Variants in RICTOR observed in about 807,000 individuals in gnomAD.
RICTOR encodes RPTOR independent companion of MTOR complex 2.
A neutral mutation model predicts 214.9 loss-of-function variants in RICTOR; 49 were observed. The observed-to-expected ratio is 0.23, with a 90% CI of 0.18 to 0.29. RICTOR has a LOEUF of 0.29. Ranked by LOEUF, RICTOR falls within the 10% of genes least tolerant of loss-of-function variation. RICTOR has a pLI of 1.00. For missense variants in RICTOR, 1,625 were observed against 2,047.0 expected (o/e 0.79, Z 3.98); for synonymous variants, 717 against 711.3 (o/e 1.01, Z -0.13).
intron 7 of RICTOR, among the ~76,000 whole-genome samples, chr5:38,990,738 T>C (rs868570821): frequency 8.4e-6 from 1 of 119,122 alleles, no homozygotes. Flanking sequence ...ATATATATGA[T>C]ATATATGAGA....
chr5:39,042,444 A>T (rs545329538), intron 2 of RICTOR, among the ~76,000 whole-genome samples: 18 of 152,226 alleles, frequency 1.2e-4, no homozygotes, highest in Non-Finnish European at 2.5e-4. Context: ...TTAATAAATG[A>T]GGCTTAGAGA....
chr5:38,990,691 A>ATGATATATC lies in RICTOR; in HGVS notation c.583+257_583+258insGATATATCA, dbSNP rs1752618630. ...GATATATATCAGATATATCATATAT[A>ATGATATATC]TGATATATATCAGATATGATATATA... On this transcript the variant is annotated intron_variant, in intron 7 of 37. Transcript: ENST00000357387. Among the ~76,000 whole-genome samples, 25 of 4,796 alleles carry ATGATATATC rather than the reference A, an allele frequency of 5.2e-3. 1 individual carries two copies. Among genetic ancestry groups the ATGATATATC allele is most frequent in the East Asian group, 0.01 (1 of 100 alleles). 3.1% of individuals were successfully genotyped at this position (4,796 alleles called of 152,430 possible).
intron 7 of RICTOR, among the ~76,000 whole-genome samples, chr5:38,982,777 C>CAT (rs952371136): frequency 1.4e-4 from 15 of 106,528 alleles, no homozygotes; most frequent in East Asian, 7.8e-4. Flanking sequence ...TACATACACA[C>CAT]ATATATATAT....
chr5:39,002,689 C>T (rs771244782), intron 4 of RICTOR, 23 bp from the exon 5 acceptor site: 2 of 1,582,622 alleles, frequency 1.3e-6, no homozygotes, highest in South Asian at 1.2e-5. Flanking sequence ...AAACAAAATA[C>T]AAGTTTTGCT....
At chr5:39,027,502 G>GT (rs1755926973) in intron 2 of RICTOR, among the ~76,000 whole-genome samples, 1 of 152,026 alleles carries the variant, frequency 6.6e-6, no homozygotes, top group Non-Finnish European at 1.5e-5. Context: ...TATAATAAAT[G>GT]TAAGTGTAAT....
chr5:38,986,377 T>C (rs867810614), intron 7 of RICTOR, among the ~76,000 whole-genome samples: 3 of 152,164 alleles, frequency 2.0e-5, no homozygotes, highest in African/African-American at 2.4e-5. Flanking sequence ...GAGTTCATAA[T>C]AGTGTGAAAA....
rs575092821 is a variant in RICTOR at position 39,037,878 on chromosome 5, TC to T, written c.98-16743del. Among the ~76,000 whole-genome samples, 37 of 152,334 alleles carry T rather than the reference TC, an allele frequency of 2.4e-4. No individual in the cohort carries two copies. The East Asian group carries it at 6.7e-3, about 28-fold the overall frequency. ...GGACCAGATGGATTCACAGCCAAGTTCTACCAGAAGTACAAGGAGGAGCTAG... is the reference window on the plus strand; with the variant it reads ...GGACCAGATGGATTCACAGCCAAGTTTACCAGAAGTACAAGGAGGAGCTAG... On this transcript the variant is annotated intron_variant, in intron 2 of 37. Transcript: ENST00000357387.
At chr5:38,977,090 G>C (rs979652882) in intron 9 of RICTOR, among the ~76,000 whole-genome samples, 1 of 152,242 alleles carries the variant, frequency 6.6e-6, no homozygotes, top group African/African-American at 2.4e-5. Flanking sequence ...AAAGATTCCA[G>C]CATTGTTGCC....
At chr5:39,066,109 C>T (rs553832390) in intron 2 of RICTOR, among the ~76,000 whole-genome samples, 1 of 152,368 alleles carries the variant, frequency 6.6e-6, no homozygotes, top group Non-Finnish European at 1.5e-5. Flanking sequence ...CAGGCTTCTG[C>T]CTAGACACCC....
intron 2 of RICTOR, among the ~76,000 whole-genome samples, chr5:39,024,087 C>T (rs886277564): frequency 3.9e-5 from 6 of 152,054 alleles, no homozygotes; most frequent in Admixed American, 3.3e-4. Context: ...ATAAGGAGTG[C>T]GCAACCTAGA....
intron 2 of RICTOR, among the ~76,000 whole-genome samples, chr5:39,049,814 T>C (rs1393324733): frequency 2.0e-5 from 3 of 151,996 alleles, no homozygotes; most frequent in African/African-American, 7.2e-5. Flanking sequence ...AAGAAAGACC[T>C]AGCTGAAGAT....
intron 18 of RICTOR, 23 bp downstream of exon 18, chr5:38,962,462 T>C (rs1414345547): frequency 7.8e-7 from 1 of 1,286,720 alleles, no homozygotes; most frequent in Admixed American, 2.0e-5. Context: ...GACAAGCCAT[T>C]ACCATGAAGT....
At chr5:39,028,090 G>A (rs1249556087) in intron 2 of RICTOR, among the ~76,000 whole-genome samples, 3 of 149,284 alleles carry the variant, frequency 2.0e-5, no homozygotes, top group Admixed American at 2.0e-4. Flanking sequence ...AACCACAGAA[G>A]TACCATTACA....
At chr5:39,067,702 TAC>T in intron 2 of RICTOR, among the ~76,000 whole-genome samples, 1 of 152,340 alleles carries the variant, frequency 6.6e-6, no homozygotes, top group East Asian at 1.9e-4. Flanking sequence ...TGCCACCTTT[TAC>T]ACATTTATAT....
At position 39,002,618 on chromosome 5, in the gene RICTOR, C is replaced by T. The variant is rs755094770; in HGVS notation, c.309G>A (p.Gly103=). 1.2e-6 allele frequency: 2 copies of T among 1,610,614 alleles called. No homozygotes were observed. Among genetic ancestry groups the T allele is most frequent in the Non-Finnish European group, 1.7e-6 (2 of 1,178,356 alleles). The stretch of plus-strand genomic sequence containing the variant: ...GGATGAGATATCGAAGCGCTCGTAG[C>T]CCTGCTGCTCGCACTTCTTTTGCTT... ...LNEAKEVRAA[G]LRALRYLIQD... is the part of the protein sequence containing the mutation. The change falls in exon 5 of 38, where the codon GGG becomes GGA. Residue 103 remains glycine (G), a synonymous_variant. Transcript: ENST00000357387.
rs1446544466 is a variant in RICTOR at position 39,074,363 on chromosome 5, G to A, written c.15C>T (p.Gly5=). MAAI[G]RGRSLKNLRV... ...GGAGGTTCTTCAGAGAGCGGCCGCG[G>A]CCGATCGCCGCCATATTGACGGGTT... is the stretch of plus-strand genomic sequence containing the variant. Residue 5 remains glycine (G), a synonymous_variant, in exon 1 of 38, where the codon GGC becomes GGT. Transcript: ENST00000357387. The A allele has an allele frequency of 9.8e-6, 15 of 1,537,964 alleles. No individual in the cohort carries two copies. The highest frequency in any genetic ancestry group is 2.8e-5 in the African/African-American group (2 of 71,660).
intron 3 of RICTOR, among the ~76,000 whole-genome samples, chr5:39,004,069 G>A (rs1668025398): frequency 6.6e-6 from 1 of 151,918 alleles, no homozygotes; most frequent in African/African-American, 2.4e-5. Flanking sequence ...AAACTATACC[G>A]TATTACTGTT....
intron 2 of RICTOR, among the ~76,000 whole-genome samples, chr5:39,032,302 A>G (rs75068071): frequency 0.02 from 2,997 of 152,320 alleles, 113 homozygotes; most frequent in African/African-American, 0.069. Context: ...TTTCCTCTCA[A>G]GCAACTGAAG....
At chr5:39,034,093 C>T (rs962697583) in intron 2 of RICTOR, among the ~76,000 whole-genome samples, 2 of 152,180 alleles carry the variant, frequency 1.3e-5, no homozygotes, top group African/African-American at 4.8e-5. Context: ...GACAGTTTAT[C>T]ATTCTGTACC....
Sources: gnomAD v4.1 joint callset for allele counts (sites outside exome capture counted in the v4.1 genomes callset) on GRCh38, gnomAD v4.1.1 for gene constraint, MANE v1.5 for transcripts, NCBI Gene and HGNC (gene_info 2026-07-23, HGNC 2026-07-21) for gene names.